The following DNAH7 variants were observed in gnomAD, a reference collection of about 807,000 sequenced individuals.
DNAH7 encodes axonemal beta dynein heavy chain 7.
Under a neutral mutation model 444.6 loss-of-function variants are expected in DNAH7, and 397 were observed. The ratio of observed to expected loss-of-function variants is 0.89; its 90% CI spans 0.82 to 0.97. The LOEUF (loss-of-function observed/expected upper bound fraction) is 0.97, where lower values mean the gene tolerates loss of function less well. Among genes scored for constraint, DNAH7 ranks in the 50% least tolerant of loss-of-function variants. The pLI, the probability that DNAH7 is intolerant of heterozygous loss-of-function variation, is 0.00. For synonymous variants in DNAH7, 1,636 were observed against 1,624.4 expected (o/e 1.01, Z -0.17); for missense variants, 4,902 against 4,800.8 (o/e 1.02, Z -0.62).
chr2:195,950,367 C>T (rs1035990371), intron 19 of DNAH7, among the ~76,000 whole-genome samples: 2 of 152,126 alleles, frequency 1.3e-5, no homozygotes, highest in Non-Finnish European at 2.9e-5. Context: ...TTATCCATTT[C>T]TTCTAGGTTT....
At chr2:195,855,133 G>C (rs1439661958) in intron 45 of DNAH7, among the ~76,000 whole-genome samples, 2 of 152,118 alleles carry the variant, frequency 1.3e-5, no homozygotes, top group African/African-American at 4.8e-5. Context: ...CCCTCAAAAG[G>C]TTATTGTGAG....
intron 29 of DNAH7, among the ~76,000 whole-genome samples, chr2:195,895,624 C>G (rs908727605): frequency 1.3e-5 from 2 of 152,044 alleles, no homozygotes; most frequent in Non-Finnish European, 2.9e-5. Flanking sequence ...ATAAAACCGT[C>G]AAAATAACCA....
intron 27 of DNAH7, 76 bp from the exon 28 acceptor site, chr2:195,900,570 G>A (rs382397): frequency 0.041 from 54,508 of 1,331,186 alleles, 1,412 homozygotes; most frequent in African/African-American, 0.11. Flanking sequence ...AATACCACAC[G>A]CTCTCACTAA....
At chr2:195,932,692 G>T (rs1015531875) in intron 21 of DNAH7, among the ~76,000 whole-genome samples, 19 of 152,084 alleles carry the variant, frequency 1.2e-4, no homozygotes, top group African/African-American at 2.2e-4. Context: ...GGTTTTTGTC[G>T]TTGGTTCTGT....
At position 195,913,847 on chromosome 2, in the gene DNAH7, C is replaced by A. The variant is rs527462289; in HGVS notation, c.3936-3652G>T. 2.6e-5 allele frequency among the ~76,000 whole-genome samples: 4 copies of A among 152,348 alleles called. No individual in the cohort carries two copies. In the South Asian group the frequency reaches 8.3e-4, roughly 32 times the overall value. On this transcript the variant is annotated intron_variant, in intron 24 of 64. Coordinates refer to ENST00000312428, the MANE Select transcript of DNAH7 (RefSeq NM_018897.3). Reference sequence around the variant, plus strand: ...TCTCCTGCCTCAGCCTCCCAAGTAGCTGGGATTACAGGTGCCCACCACCAT... The same window carrying A: ...TCTCCTGCCTCAGCCTCCCAAGTAGATGGGATTACAGGTGCCCACCACCAT...
At chr2:195,987,548 A>T (rs1249718285) in intron 13 of DNAH7, among the ~76,000 whole-genome samples, 1 of 152,142 alleles carries the variant, frequency 6.6e-6, no homozygotes, top group Non-Finnish European at 1.5e-5. Context: ...GAAAATTTAG[A>T]AAATGTAAAG....
At chr2:195,823,356 G>A (rs537050031) in intron 49 of DNAH7, among the ~76,000 whole-genome samples, 2 of 152,252 alleles carry the variant, frequency 1.3e-5, no homozygotes, top group African/African-American at 4.8e-5. Flanking sequence ...TGTCTTCCTA[G>A]TCACACAATT....
chr2:196,058,212 A>C (rs1024168860), intron 1 of DNAH7, 96 bp from the exon 2 acceptor site: 37 of 802,978 alleles, frequency 4.6e-5, no homozygotes, highest in Non-Finnish European at 6.4e-5. Context: ...GTAAGCATAC[A>C]TCATCCAAAA....
At chr2:195,761,090 A>G (rs1387800585) in intron 61 of DNAH7, among the ~76,000 whole-genome samples, 1 of 152,146 alleles carries the variant, frequency 6.6e-6, no homozygotes, top group Non-Finnish European at 1.5e-5. Context: ...AAGATTCCAA[A>G]TAACACCGAG....
At position 195,926,460 on chromosome 2, in the gene DNAH7, T is replaced by C; in HGVS notation, c.3578A>G (p.Lys1193Arg). Residue 1193 changes from lysine (K) to arginine (R), a missense_variant, in exon 22 of 65, where the codon AAA becomes AGA. By Grantham distance (26) the Lys-to-Arg change is conservative. Transcript: ENST00000312428. Reference protein sequence around the residue: ...VLCVSQIFWTKEVQTAIPMGI... With the variant: ...VLCVSQIFWTREVQTAIPMGI... ...CATTGGAATAGCTGTTTGTACTTCTTTTGTCCAAAAGATTTGGGATACACA... is the reference window on the plus strand; with the variant it reads ...CATTGGAATAGCTGTTTGTACTTCTCTTGTCCAAAAGATTTGGGATACACA... 1 of 1,599,524 alleles carries C rather than the reference T, an allele frequency of 6.3e-7. No homozygotes were observed. The highest frequency in any genetic ancestry group is 1.3e-5 in the African/African-American group (1 of 74,096).
At chr2:195,911,245 A>T (rs1315867784) in intron 24 of DNAH7, among the ~76,000 whole-genome samples, 2 of 152,246 alleles carry the variant, frequency 1.3e-5, no homozygotes, top group Admixed American at 6.5e-5. Context: ...AGACATCAAA[A>T]AATTGTGAGA....
At chr2:196,046,455 T>C (rs898195281) in intron 5 of DNAH7, among the ~76,000 whole-genome samples, 24 of 152,190 alleles carry the variant, frequency 1.6e-4, no homozygotes, top group Non-Finnish European at 2.9e-4. Flanking sequence ...TCTAAAAATT[T>C]GTAACCAGAG....
intron 21 of DNAH7, among the ~76,000 whole-genome samples, chr2:195,931,855 T>G (rs906270402): frequency 1.1e-4 from 17 of 152,046 alleles, no homozygotes; most frequent in South Asian, 2.1e-4. Flanking sequence ...GTCAGGTAGC[T>G]TGATGCCTCC....
At chr2:195,993,356 C>T (rs1326152491) in intron 12 of DNAH7, among the ~76,000 whole-genome samples, 3 of 152,116 alleles carry the variant, frequency 2.0e-5, no homozygotes, top group African/African-American at 4.8e-5. Context: ...TGTAAAATTT[C>T]CTTCAAAGTA....
intron 28 of DNAH7, 33 bp from the exon 29 acceptor site, chr2:195,897,798 C>G (rs1559199744): frequency 1.5e-6 from 2 of 1,297,088 alleles, no homozygotes; most frequent in African/African-American, 3.0e-5. Context: ...ATGAGGATAT[C>G]TGCATCTCCT....
intron 47 of DNAH7, among the ~76,000 whole-genome samples, chr2:195,840,216 CG>C (rs1559135207): frequency 6.6e-6 from 1 of 151,566 alleles, no homozygotes; most frequent in East Asian, 1.9e-4. Context: ...AAAAATCAAT[CG>C]GTACAATTAC....
At chr2:195,945,211 C>T (rs968650338) in intron 19 of DNAH7, among the ~76,000 whole-genome samples, 1 of 152,106 alleles carries the variant, frequency 6.6e-6, no homozygotes, top group Non-Finnish European at 1.5e-5. Flanking sequence ...TACAAAATCA[C>T]TGGAAAGCCT....
At chr2:195,923,532 G>T in intron 23 of DNAH7, 63 bp downstream of exon 23, 1 of 1,507,446 alleles carries the variant, frequency 6.6e-7, no homozygotes, top group South Asian at 1.1e-5. Context: ...GAGCAAGCAA[G>T]CACAAATTTA....
intron 57 of DNAH7, 109 bp downstream of exon 57, chr2:195,794,229 A>G (rs1232869061): frequency 2.1e-5 from 19 of 905,972 alleles, no homozygotes; most frequent in Non-Finnish European, 3.0e-5. Context: ...ACTGCGGTGC[A>G]GGAGGCCTAT....
Sources: gnomAD v4.1 joint callset for allele counts (sites outside exome capture counted in the v4.1 genomes callset) on GRCh38, gnomAD v4.1.1 for gene constraint, MANE v1.5 for transcripts, NCBI Gene and HGNC (gene_info 2026-07-23, HGNC 2026-07-21) for gene names.